ZNF813: variants seen among roughly 807,000 people sequenced by gnomAD.
The protein encoded by ZNF813 is zinc finger protein 813.
In ZNF813, 3 loss-of-function variants were observed where a neutral mutation model predicts 7.2. That is an observed-to-expected ratio of 0.42 (90% CI 0.19 to 1.08). ZNF813 has a LOEUF of 1.08. ZNF813 is among the 50% of genes least tolerant of loss of function. The pLI, the probability that ZNF813 is intolerant of heterozygous loss-of-function variation, is 0.30. For missense variants in ZNF813, 714 were observed against 753.3 expected (o/e 0.95, Z 0.61); for synonymous variants, 227 against 256.3 (o/e 0.89, Z 1.09).
At position 53,492,393 on chromosome 19, in the gene ZNF813, CAG is replaced by C. The variant is rs1167457536; in HGVS notation, c.*310_*311del. 7 of 492,214 alleles carry C rather than the reference CAG, an allele frequency of 1.4e-5. No homozygotes were observed. The highest frequency in any genetic ancestry group is 7.8e-5 in the African/African-American group (4 of 51,272). The allele number at this position is 492,214 out of a possible 1,614,324, so 30.5% of individuals were successfully genotyped here. On this transcript the variant is annotated 3_prime_UTR_variant, in exon 4 of 4. Coordinates refer to ENST00000396403, the MANE Select transcript of ZNF813 (RefSeq NM_001004301.4). ...AAGCTTACAAAGGTGAAGAATATCA[CAG>C]AGTTTTCAGTCACAAGTCAAACCTT... is the stretch of plus-strand genomic sequence containing the variant.
intron 1 of ZNF813, among the ~76,000 whole-genome samples, chr19:53,468,895 C>A (rs925487872): frequency 1.3e-4 from 19 of 151,914 alleles, no homozygotes; most frequent in African/African-American, 4.4e-4. Flanking sequence ...TCCTCCTCAG[C>A]ACAGACTCTT....
chr19:53,487,778 A>G (rs1488841949), intron 3 of ZNF813, among the ~76,000 whole-genome samples: 2 of 144,266 alleles, frequency 1.4e-5, no homozygotes, highest in Non-Finnish European at 3.0e-5. Flanking sequence ...AGCCTGGGCA[A>G]CAGAACAAGA....
At position 53,490,933 on chromosome 19, in the gene ZNF813, AAAT is replaced by A; in HGVS notation, c.705_707del (p.Ile236del). On this transcript the variant is annotated inframe_deletion, in exon 4 of 4. Coordinates refer to ENST00000396403, the MANE Select transcript of ZNF813 (RefSeq NM_001004301.4). ...TATAGCTCACTCTTAAGGAAACATC[AAAT>A]AATCCATTTAGGAGAGAAACAATAT... 6.2e-7 allele frequency: 1 copy of A among 1,614,172 alleles called. No homozygotes were observed. The highest frequency in any genetic ancestry group is 8.5e-7 in the Non-Finnish European group (1 of 1,179,996).
At chr19:53,472,299 C>A (rs1358188714) in intron 1 of ZNF813, among the ~76,000 whole-genome samples, 1 of 152,258 alleles carries the variant, frequency 6.6e-6, no homozygotes, top group East Asian at 1.9e-4. Context: ...TACTGAGAAT[C>A]TTTTTCTGGG....
intron 1 of ZNF813, among the ~76,000 whole-genome samples, chr19:53,473,955 A>G (rs1337020263): frequency 1.3e-5 from 2 of 152,230 alleles, no homozygotes; most frequent in Admixed American, 6.5e-5. Context: ...GTAGCTGCTT[A>G]ACGTCTGGTT....
chr19:53,489,495 A>C (rs559184856), intron 3 of ZNF813, among the ~76,000 whole-genome samples: 1 of 151,764 alleles, frequency 6.6e-6, no homozygotes, highest in South Asian at 2.1e-4. Context: ...CCAGGTACTC[A>C]GGAGGCTGAG....
rs1255689045 is a variant in ZNF813, at chr19:53,493,451, T to C, written c.*1365T>C. On this transcript the variant is annotated 3_prime_UTR_variant, in exon 4 of 4. Transcript: ENST00000396403. ...CTTTTATTTCTATTTCTTTAAGTTCTCTAGCAAATGGAAGTGTTTTTAAAT... is the reference window on the plus strand; with the variant it reads ...CTTTTATTTCTATTTCTTTAAGTTCCCTAGCAAATGGAAGTGTTTTTAAAT... 1 of 151,908 alleles carries C rather than the reference T, an allele frequency of 6.6e-6. No individual in the cohort carries two copies. Among genetic ancestry groups the C allele is most frequent in the East Asian group, 1.9e-4 (1 of 5,198 alleles). The allele number at this position is 151,908 out of a possible 1,614,324, so 9.4% of individuals were successfully genotyped here. A position where few individuals can be genotyped will look rare whatever the true frequency, so the allele number is the denominator to read the frequency against.
chr19:53,469,831 A>T (rs2086347755), intron 1 of ZNF813, among the ~76,000 whole-genome samples: 1 of 151,392 alleles, frequency 6.6e-6, no homozygotes, highest in Admixed American at 6.6e-5. Flanking sequence ...AGAGAATTTA[A>T]CGGGGAGAGC....
intron 1 of ZNF813, among the ~76,000 whole-genome samples, chr19:53,472,214 T>G (rs4801983): frequency 0.28 from 43,162 of 151,968 alleles, 6,249 homozygotes; most frequent in East Asian, 0.44. Flanking sequence ...GGTTTTTGTT[T>G]CACAGTCTGG....
chr19:53,474,559 G>T (rs2086373628), intron 1 of ZNF813, among the ~76,000 whole-genome samples: 1 of 152,080 alleles, frequency 6.6e-6, no homozygotes, highest in Non-Finnish European at 1.5e-5. Flanking sequence ...CATGATGGCA[G>T]GTGCCTGTAA....
chr19:53,492,141 T>G lies in ZNF813; in HGVS notation c.*55T>G. 6.4e-7 allele frequency: 1 copy of G among 1,569,520 alleles called. No homozygotes were observed. Among genetic ancestry groups the G allele is most frequent in the Non-Finnish European group, 8.6e-7 (1 of 1,156,616 alleles). On this transcript the variant is annotated 3_prime_UTR_variant, in exon 4 of 4. Transcript: ENST00000396403. ...TCATACTGGAAAGAAACAAGTGCAA[T>G]GAGTGTGGCAAGACCTTCTGTCACA...
chr19:53,490,020 A>G (rs2086451426), intron 3 of ZNF813, among the ~76,000 whole-genome samples: 1 of 152,232 alleles, frequency 6.6e-6, no homozygotes, highest in Non-Finnish European at 1.5e-5. Context: ...TACAGCAAAT[A>G]TGCTGTAAAT....
At position 53,482,706 on chromosome 19, in the gene ZNF813, C is replaced by CTTTTTTT. The variant is rs1568830690; in HGVS notation, c.-73-1039_-73-1038insTTTTTTT. Among the ~76,000 whole-genome samples, 34 of 91,496 alleles carry CTTTTTTT rather than the reference C, an allele frequency of 3.7e-4. 1 individual carries two copies. Among genetic ancestry groups the CTTTTTTT allele is most frequent in the African/African-American group, 1.2e-3 (30 of 25,738 alleles). 60.0% of individuals were successfully genotyped at this position (91,496 alleles called of 152,430 possible). ...CTCTGCATCAATCACATCAGGAATG[C>CTTTTTTT]TTTTTGTTTTTTTTTTTTTTTTTTT... On this transcript the variant is annotated intron_variant, in intron 1 of 3. Transcript: ENST00000396403.
At chr19:53,469,664 G>A (rs998341410) in intron 1 of ZNF813, among the ~76,000 whole-genome samples, 4 of 151,858 alleles carry the variant, frequency 2.6e-5, no homozygotes, top group South Asian at 2.1e-4. Flanking sequence ...AGCAAAGAGG[G>A]AGGCTCATCA....
chr19:53,486,569 C>T (rs1008299389), intron 2 of ZNF813, 63 bp from the exon 3 acceptor site: 6 of 1,612,852 alleles, frequency 3.7e-6, no homozygotes, highest in South Asian at 1.1e-5. Context: ...CTCCTCTTCT[C>T]ATTTTCTGTG....
At chr19:53,486,182 G>A (rs935431341) in intron 2 of ZNF813, among the ~76,000 whole-genome samples, 10 of 152,168 alleles carry the variant, frequency 6.6e-5, no homozygotes, top group African/African-American at 2.4e-4. Context: ...TCTGGGCCGG[G>A]CGCGGTGGAT....
chr19:53,485,133 A>T (rs1041528440), intron 2 of ZNF813, among the ~76,000 whole-genome samples: 3 of 152,204 alleles, frequency 2.0e-5, no homozygotes, highest in Non-Finnish European at 4.4e-5. Flanking sequence ...ATTAAAAAAA[A>T]ATACTTTTTT....
Position 53,491,698 on chromosome 19 carries a change from A to C in ZNF813, c.1466A>C (p.His489Pro). The change falls in exon 4 of 4, where the codon CAT (histidine) becomes CCT (proline). Residue 489 changes from histidine (H) to proline (P), a missense_variant. Physicochemically the swap from His to Pro is moderately conservative, Grantham distance 77 (BLOSUM62 -2). Transcript: ENST00000396403. ...ISALVIHTAIHTGEKPYKCNE... is the reference protein window; with the variant it reads ...ISALVIHTAIPTGEKPYKCNE... ...GCCCTCGTAATTCATACGGCAATTC[A>C]TACTGGAGAGAAACCTTACAAGTGT... is the stretch of plus-strand genomic sequence containing the variant. The C allele has an allele frequency of 6.2e-7, 1 of 1,614,024 alleles. No homozygotes were observed. Among genetic ancestry groups the C allele is most frequent in the Non-Finnish European group, 8.5e-7 (1 of 1,179,918 alleles).
chr19:53,492,188 A>T lies in ZNF813; in HGVS notation c.*102A>T. 6.7e-7 allele frequency: 1 copy of T among 1,500,722 alleles called. No homozygotes were observed. Among genetic ancestry groups the T allele is most frequent in the African/African-American group, 1.4e-5 (1 of 71,410 alleles). 93.0% of individuals were successfully genotyped at this position (1,500,722 alleles called of 1,614,324 possible). On this transcript the variant is annotated 3_prime_UTR_variant, in exon 4 of 4. Coordinates refer to ENST00000396403, the MANE Select transcript of ZNF813 (RefSeq NM_001004301.4). ...CACAATTCAGTCCTTGTAATTCATA[A>T]GAATTCATACTGGAGAGAAACAAGT...
Sources: allele counts gnomAD v4.1 joint callset (sites outside exome capture counted in the v4.1 genomes callset), GRCh38; gene constraint gnomAD v4.1.1; transcripts MANE v1.5; gene names NCBI Gene and HGNC (gene_info 2026-07-23, HGNC 2026-07-21).